LRRC4C: variants seen among roughly 807,000 people sequenced by gnomAD.
The protein encoded by LRRC4C is leucine-rich repeat-containing protein 4C.
A neutral mutation model predicts 33.6 loss-of-function variants in LRRC4C; 5 were observed. That is an observed-to-expected ratio of 0.15 (90% CI 0.08 to 0.31). The LOEUF (loss-of-function observed/expected upper bound fraction) is 0.31. Ranked by LOEUF, LRRC4C falls within the 10% of genes least tolerant of loss-of-function variation. LRRC4C has a pLI of 1.00. For synonymous variants in LRRC4C, 329 were observed against 302.0 expected (o/e 1.09, Z -0.93); for missense variants, 560 against 796.7 (o/e 0.70, Z 3.58).
chr11:40,653,747 G>A (rs1942940868), intron 2 of LRRC4C, among the ~76,000 whole-genome samples: 1 of 152,186 alleles, frequency 6.6e-6, no homozygotes, highest in African/African-American at 2.4e-5. Context: ...GTAATGAGGA[G>A]CCAAATACTA....
Position 40,633,371 on chromosome 11 carries a change from T to TTCTTTCTCTCTC in LRRC4C, c.-270+14770_-270+14771insGAGAGAGAAAGA, listed in dbSNP as rs745929705. Among the ~76,000 whole-genome samples, 283 of 96,282 alleles carry TTCTTTCTCTCTC rather than the reference T, an allele frequency of 2.9e-3. 8 individuals carry two copies. The highest frequency in any genetic ancestry group is 0.025 in the East Asian group (76 of 3,014). 63.2% of individuals were successfully genotyped at this position (96,282 alleles called of 152,430 possible). On this transcript the variant is annotated intron_variant, in intron 3 of 6. Transcript: ENST00000528697. The stretch of plus-strand genomic sequence containing the variant: ...TTTCTTTCTTTCTTTCTTTCTTTCT[T>TTCTTTCTCTCTC]TCTCTCTCTTTCTTTCTTTCTTTCT...
At chr11:40,584,459 A>C (rs1256219490) in intron 3 of LRRC4C, among the ~76,000 whole-genome samples, 2 of 151,864 alleles carry the variant, frequency 1.3e-5, no homozygotes, top group Non-Finnish European at 2.9e-5. Context: ...CCTCCAACCT[A>C]CTGTGTTAGG....
intron 2 of LRRC4C, among the ~76,000 whole-genome samples, chr11:40,777,747 G>T (rs1490614953): frequency 1.3e-5 from 2 of 151,680 alleles, no homozygotes; most frequent in Non-Finnish European, 2.9e-5. Context: ...GAGTGCAGTG[G>T]CATGATCTTG....
intron 2 of LRRC4C, among the ~76,000 whole-genome samples, chr11:40,790,618 G>A: frequency 6.6e-6 from 1 of 152,186 alleles, no homozygotes; most frequent in Non-Finnish European, 1.5e-5. Context: ...TCAAACAGAA[G>A]CATAGACAAC....
chr11:41,318,974 C>T (rs765950161), intron 1 of LRRC4C, among the ~76,000 whole-genome samples: 5 of 152,200 alleles, frequency 3.3e-5, no homozygotes, highest in Non-Finnish European at 4.4e-5. Flanking sequence ...GGTGCCTGAA[C>T]ATAACGGAAC....
At chr11:40,135,457 T>A (rs558565041) in intron 6 of LRRC4C, among the ~76,000 whole-genome samples, 1 of 152,314 alleles carries the variant, frequency 6.6e-6, no homozygotes, top group African/African-American at 2.4e-5. Flanking sequence ...TCCCTGTATT[T>A]TTCTGTATTC....
chr11:41,404,535 GACACAC>G (rs138726744), intron 1 of LRRC4C, among the ~76,000 whole-genome samples: 12 of 37,296 alleles, frequency 3.2e-4, no homozygotes, highest in African/African-American at 1.1e-3. Flanking sequence ...AAGACACACA[GACACAC>G]ACACACACAC....
intron 1 of LRRC4C, among the ~76,000 whole-genome samples, chr11:41,026,897 T>C (rs1289156034): frequency 1.3e-5 from 2 of 151,740 alleles, no homozygotes; most frequent in Non-Finnish European, 3.0e-5. Context: ...AATTTTTATA[T>C]GCACTGAGAA....
At chr11:41,177,577 T>C (rs1360425208) in intron 1 of LRRC4C, among the ~76,000 whole-genome samples, 10 of 152,318 alleles carry the variant, frequency 6.6e-5, no homozygotes, top group East Asian at 5.8e-4. Flanking sequence ...ACTATCTTGA[T>C]ACTTAAGTGA....
At chr11:40,482,613 G>A (rs947206909) in intron 3 of LRRC4C, among the ~76,000 whole-genome samples, 3 of 151,996 alleles carry the variant, frequency 2.0e-5, no homozygotes, top group African/African-American at 4.8e-5. Context: ...GGGACTACAG[G>A]CATGCATCCC....
chr11:40,967,704 T>C (rs1412245839), intron 1 of LRRC4C, among the ~76,000 whole-genome samples: 1 of 151,982 alleles, frequency 6.6e-6, no homozygotes, highest in East Asian at 1.9e-4. Context: ...ATGAAAAAGT[T>C]TTGTGTTCTG....
intron 1 of LRRC4C, among the ~76,000 whole-genome samples, chr11:41,370,346 G>T (rs562356723): frequency 1.3e-5 from 2 of 152,216 alleles, no homozygotes; most frequent in East Asian, 3.9e-4. Context: ...ACCATCCCCA[G>T]TGATAGGTTT....
chr11:40,741,371 CA>C (rs1378291188), intron 2 of LRRC4C, among the ~76,000 whole-genome samples: 2 of 152,036 alleles, frequency 1.3e-5, no homozygotes, highest in African/African-American at 4.8e-5. Flanking sequence ...TCCAACATAT[CA>C]AGACTTGAAG....
chr11:41,171,688 A>G (rs1944985053), intron 1 of LRRC4C, among the ~76,000 whole-genome samples: 2 of 151,974 alleles, frequency 1.3e-5, no homozygotes, highest in South Asian at 4.2e-4. Flanking sequence ...AAAAAAGATA[A>G]ACTAGATATT....
Position 40,319,785 on chromosome 11 carries a change from G to C in LRRC4C, c.-269-64C>G, listed in dbSNP as rs114917238. ...TGCTATACAAGTGAAAACAAATTTAGTGTTAGACATCCCTGCCTGTTCCAT... is the reference window on the plus strand; with the variant it reads ...TGCTATACAAGTGAAAACAAATTTACTGTTAGACATCCCTGCCTGTTCCAT... On this transcript the variant is annotated intron_variant, in intron 3 of 6. Transcript: ENST00000528697. The C allele has an allele frequency of 4.0e-3, 612 of 152,178 alleles. 4 individuals are homozygous for C. Among genetic ancestry groups the C allele is most frequent in the African/African-American group, 0.014 (568 of 41,526 alleles). The allele number at this position is 152,178 out of a possible 1,614,324, so 9.4% of individuals were successfully genotyped here. A position where few individuals can be genotyped will look rare whatever the true frequency, so the allele number is the denominator to read the frequency against.
At chr11:40,871,902 C>G (rs1954668678) in intron 2 of LRRC4C, among the ~76,000 whole-genome samples, 1 of 152,112 alleles carries the variant, frequency 6.6e-6, no homozygotes. Flanking sequence ...AACTTGTGTC[C>G]TATTGTGGTG....
At chr11:40,712,211 G>A (rs1031303132) in intron 2 of LRRC4C, among the ~76,000 whole-genome samples, 1 of 152,048 alleles carries the variant, frequency 6.6e-6, no homozygotes, top group African/African-American at 2.4e-5. Context: ...CTTTTGAAAA[G>A]GAATGTATCT....
intron 1 of LRRC4C, among the ~76,000 whole-genome samples, chr11:41,174,192 G>T (rs1034946133): frequency 6.6e-6 from 1 of 152,028 alleles, no homozygotes; most frequent in African/African-American, 2.4e-5. Flanking sequence ...ACTCATTTGT[G>T]TATTGAGCTT....
At chr11:40,530,101 G>A (rs1956214187) in intron 3 of LRRC4C, among the ~76,000 whole-genome samples, 1 of 152,038 alleles carries the variant, frequency 6.6e-6, no homozygotes, top group East Asian at 1.9e-4. Context: ...TGGAATTTTA[G>A]CTAAATATTT....
Sources: gnomAD v4.1 joint callset for allele counts (sites outside exome capture counted in the v4.1 genomes callset) on GRCh38, gnomAD v4.1.1 for gene constraint, MANE v1.5 for transcripts, NCBI Gene and HGNC (gene_info 2026-07-23, HGNC 2026-07-21) for gene names.